The following FRMD6 variants were observed in gnomAD, a reference collection of about 807,000 sequenced individuals.
FRMD6 encodes the protein FERM domain containing 6, also known as FERM domain-containing protein 6.
A neutral mutation model predicts 73.2 loss-of-function variants in FRMD6; 37 were observed. The ratio of observed to expected loss-of-function variants is 0.51; its 90% CI spans 0.39 to 0.66. The LOEUF is 0.66. Among genes scored for constraint, FRMD6 ranks in the 30% least tolerant of loss-of-function variants. FRMD6 has a pLI of 0.00. For missense variants in FRMD6, 714 were observed against 780.5 expected (o/e 0.91, Z 1.02); for synonymous variants, 273 against 282.2 (o/e 0.97, Z 0.33).
intron 2 of FRMD6, among the ~76,000 whole-genome samples, chr14:51,622,320 C>T (rs1890955351): frequency 6.6e-6 from 1 of 152,128 alleles, no homozygotes; most frequent in African/African-American, 2.4e-5. Flanking sequence ...CATTTTTATA[C>T]CTAATTTTGC....
intron 1 of FRMD6, among the ~76,000 whole-genome samples, chr14:51,566,575 T>C (rs1362496242): frequency 2.0e-5 from 3 of 152,228 alleles, no homozygotes; most frequent in Admixed American, 6.5e-5. Flanking sequence ...TTAAATTCAA[T>C]GAACTGAAAG....
chr14:51,491,066 G>A (rs145355582), intron 1 of FRMD6, among the ~76,000 whole-genome samples: 164 of 152,288 alleles, frequency 1.1e-3, no homozygotes, highest in African/African-American at 3.7e-3. Flanking sequence ...AATGGGGAGT[G>A]GGGTGGGTGG....
chr14:51,418,708 A>C, the FRMD6 span, among the ~76,000 whole-genome samples: 1 of 152,354 alleles, frequency 6.6e-6, no homozygotes, highest in Non-Finnish European at 1.5e-5. Context: ...TGCTCTCTTC[A>C]GAGCTGTCAG....
the FRMD6 span, among the ~76,000 whole-genome samples, chr14:51,470,494 C>T: frequency 1.3e-5 from 2 of 149,852 alleles, no homozygotes; most frequent in Non-Finnish European, 3.0e-5. Flanking sequence ...AGCGAGACTC[C>T]GTCTCAAAAA....
intron 2 of FRMD6, among the ~76,000 whole-genome samples, chr14:51,620,252 T>A (rs1890875846): frequency 6.6e-6 from 1 of 152,166 alleles, no homozygotes; most frequent in Non-Finnish European, 1.5e-5. Context: ...GGCCTGGGAA[T>A]GTCTCCTCTA....
intron 2 of FRMD6, among the ~76,000 whole-genome samples, chr14:51,604,225 A>G (rs1278300859): frequency 1.3e-5 from 2 of 152,198 alleles, no homozygotes; most frequent in East Asian, 1.9e-4. Flanking sequence ...AGTTCACAGT[A>G]TAGTTCCACA....
intron 2 of FRMD6, among the ~76,000 whole-genome samples, chr14:51,601,727 T>C (rs570468047): frequency 1.3e-5 from 2 of 150,998 alleles, no homozygotes; most frequent in East Asian, 3.9e-4. Flanking sequence ...CCATTATCCA[T>C]GAGAGGAAGA....
At chr14:51,708,267 GA>G in intron 7 of FRMD6, 34 bp downstream of exon 7, 3 of 1,587,690 alleles carry the variant, frequency 1.9e-6, no homozygotes, top group East Asian at 2.2e-5. Flanking sequence ...CAGCTTCTGA[GA>G]AAAAAACATC....
chr14:51,632,724 C>T (rs933581117), intron 2 of FRMD6, among the ~76,000 whole-genome samples: 1 of 152,152 alleles, frequency 6.6e-6, no homozygotes, highest in African/African-American at 2.4e-5. Context: ...GTCCATGGCC[C>T]TTTCTTTCTA....
chr14:51,526,214 T>C (rs1013523960), intron 1 of FRMD6, among the ~76,000 whole-genome samples: 2 of 152,182 alleles, frequency 1.3e-5, no homozygotes, highest in Admixed American at 6.5e-5. Context: ...AACAAAGTAC[T>C]TGGCATTCAC....
At chr14:51,715,617 T>C in intron 10 of FRMD6, 118 bp downstream of exon 10, 1 of 750,020 alleles carries the variant, frequency 1.3e-6, no homozygotes, top group Non-Finnish European at 2.1e-6. Flanking sequence ...ACACTCCAGA[T>C]TGAGAGCAGC....
chr14:51,621,407 C>T (rs773510124), intron 2 of FRMD6, among the ~76,000 whole-genome samples: 3 of 152,216 alleles, frequency 2.0e-5, no homozygotes, highest in Non-Finnish European at 4.4e-5. Flanking sequence ...CCACCAAGGG[C>T]AAGTTATTGC....
chr14:51,491,901 C>T (rs1883025363), intron 1 of FRMD6, among the ~76,000 whole-genome samples: 1 of 152,194 alleles, frequency 6.6e-6, no homozygotes, highest in Non-Finnish European at 1.5e-5. Flanking sequence ...TGGAAACCAC[C>T]AGGGAGACCA....
chr14:51,727,701 A>G (rs1460547249), intron 13 of FRMD6, 44 bp from the exon 14 acceptor site: 1 of 1,541,586 alleles, frequency 6.5e-7, no homozygotes, highest in East Asian at 2.3e-5. Flanking sequence ...CAAATATTCT[A>G]ACCTTTCACT....
chr14:51,696,051 A>G (rs561294322), intron 2 of FRMD6, among the ~76,000 whole-genome samples: 16 of 152,204 alleles, frequency 1.1e-4, no homozygotes, highest in African/African-American at 3.6e-4. Flanking sequence ...AGCAGATAGT[A>G]CTAATAAAAG....
intron 1 of FRMD6, among the ~76,000 whole-genome samples, chr14:51,522,189 C>G (rs1431633964): frequency 1.3e-5 from 2 of 152,112 alleles, no homozygotes; most frequent in African/African-American, 2.4e-5. Context: ...CTGATTTATT[C>G]AAGACCACAC....
chr14:51,411,022 G>A, the FRMD6 span, among the ~76,000 whole-genome samples: 3 of 151,994 alleles, frequency 2.0e-5, no homozygotes, highest in South Asian at 2.1e-4. Flanking sequence ...GTAACTCCCC[G>A]CAGTTAGTTA....
intron 1 of FRMD6, among the ~76,000 whole-genome samples, chr14:51,540,017 G>T (rs955357098): frequency 6.6e-6 from 1 of 152,176 alleles, no homozygotes; most frequent in Non-Finnish European, 1.5e-5. Flanking sequence ...GTCTTAAAAA[G>T]AATGCTTTAG....
At chr14:51,710,332 G>A (rs898566056) in intron 7 of FRMD6, among the ~76,000 whole-genome samples, 1 of 152,070 alleles carries the variant, frequency 6.6e-6, no homozygotes, top group Non-Finnish European at 1.5e-5. Context: ...CGGGAAATAA[G>A]GTAGACAAAG....
Sources: allele counts gnomAD v4.1 joint callset (sites outside exome capture counted in the v4.1 genomes callset), GRCh38; gene constraint gnomAD v4.1.1; transcripts MANE v1.5; gene names NCBI Gene and HGNC (gene_info 2026-07-23, HGNC 2026-07-21).